The following ADAMTSL1 variants were observed in gnomAD, a reference collection of about 807,000 sequenced individuals.
ADAMTSL1 encodes ADAMTS like 1, also known as ADAMTS-like protein 1.
ADAMTSL1 carries 126 observed loss-of-function variants against 201.8 expected under a neutral mutation model. That is an observed-to-expected ratio of 0.62 (90% CI 0.54 to 0.72). The LOEUF (loss-of-function observed/expected upper bound fraction) is 0.72. Ranked by LOEUF, ADAMTSL1 falls within the 30% of genes least tolerant of loss-of-function variation. ADAMTSL1 has a pLI of 0.00. For missense variants in ADAMTSL1, 2,679 were observed against 2,277.8 expected (o/e 1.18, Z -3.59); for synonymous variants, 1,121 against 903.4 (o/e 1.24, Z -4.32).
intron 14 of ADAMTSL1, among the ~76,000 whole-genome samples, chr9:18,717,317 C>T (rs1050586542): frequency 3.3e-5 from 5 of 150,588 alleles, no homozygotes; most frequent in African/African-American, 1.2e-4. Flanking sequence ...GAAAAGTCTG[C>T]CCATTTCCTT....
At chr9:18,040,481 T>G (rs941169045) in intron 1 of ADAMTSL1, among the ~76,000 whole-genome samples, 1 of 152,202 alleles carries the variant, frequency 6.6e-6, no homozygotes, top group Non-Finnish European at 1.5e-5. Context: ...GCCACCAGCA[T>G]GCTGGGCCGG....
chr9:18,599,133 A>G (rs908785538), intron 4 of ADAMTSL1, among the ~76,000 whole-genome samples: 1 of 152,142 alleles, frequency 6.6e-6, no homozygotes, highest in African/African-American at 2.4e-5. Flanking sequence ...CATCCATGCA[A>G]TAGTCTTTTA....
chr9:18,771,583 CAAG>C (rs1820689185), intron 17 of ADAMTSL1, among the ~76,000 whole-genome samples: 1 of 151,840 alleles, frequency 6.6e-6, no homozygotes, highest in Non-Finnish European at 1.5e-5. Context: ...TGTTGCCTCA[CAAG>C]AAGATTTAGC....
chr9:18,022,855 G>A (rs1820535725), intron 1 of ADAMTSL1, among the ~76,000 whole-genome samples: 1 of 152,064 alleles, frequency 6.6e-6, no homozygotes, highest in Middle Eastern at 3.4e-3. Flanking sequence ...TTTTGGTTCC[G>A]GAATAACCAT....
chr9:18,287,550 A>G (rs974173226), intron 2 of ADAMTSL1, among the ~76,000 whole-genome samples: 7 of 151,120 alleles, frequency 4.6e-5, no homozygotes, highest in East Asian at 1.9e-4. Flanking sequence ...ACATATACAT[A>G]CATGTAGAAA....
At chr9:18,011,973 G>A (rs1586892906) in intron 1 of ADAMTSL1, among the ~76,000 whole-genome samples, 1 of 152,018 alleles carries the variant, frequency 6.6e-6, no homozygotes, top group Non-Finnish European at 1.5e-5. Flanking sequence ...TCCAGGAAAT[G>A]TTTCCCCAGT....
rs997817228 is a variant in ADAMTSL1, at chr9:18,325,991, T to A, written c.207+162010T>A. ...CCTGACCTCAGGTGATCCACCCACC[T>A]TGGGCCTCCCAAAGTGCTGGGATTA... On this transcript the variant is annotated intron_variant, in intron 2 of 29. Coordinates refer to the ADAMTSL1 transcript ENST00000680146. 2.6e-5 allele frequency among the ~76,000 whole-genome samples: 4 copies of A among 152,132 alleles called. No individual in the cohort carries two copies. The East Asian group carries it at 5.8e-4, about 22-fold the overall frequency.
At chr9:18,175,853 C>T (rs1828122767) in intron 2 of ADAMTSL1, among the ~76,000 whole-genome samples, 1 of 151,822 alleles carries the variant, frequency 6.6e-6, no homozygotes, top group South Asian at 2.1e-4. Flanking sequence ...ATGGAGAATC[C>T]TTGACTCAGG....
intron 13 of ADAMTSL1, among the ~76,000 whole-genome samples, chr9:18,706,410 T>G (rs1832235526): frequency 6.6e-6 from 1 of 152,186 alleles, no homozygotes; most frequent in African/African-American, 2.4e-5. Context: ...AACAAATTCC[T>G]ATCTCATTGG....
intron 26 of ADAMTSL1, among the ~76,000 whole-genome samples, chr9:18,893,509 C>A (rs745519099): frequency 1.3e-5 from 2 of 152,146 alleles, no homozygotes; most frequent in African/African-American, 4.8e-5. Context: ...ATGTGAATCA[C>A]CTGGGAATCT....
intron 19 of ADAMTSL1, among the ~76,000 whole-genome samples, chr9:18,784,205 C>T (rs1029007219): frequency 9.9e-5 from 15 of 152,274 alleles, no homozygotes; most frequent in Admixed American, 3.3e-4. Context: ...CAGATGACCC[C>T]CTCCATCATC....
At chr9:18,691,688 A>G (rs376559671) in intron 13 of ADAMTSL1, among the ~76,000 whole-genome samples, 1 of 152,202 alleles carries the variant, frequency 6.6e-6, no homozygotes, top group African/African-American at 2.4e-5. Context: ...AGCTCTGCAC[A>G]GTGACTAAAA....
At chr9:18,824,987 C>T (rs764886697) in intron 21 of ADAMTSL1, among the ~76,000 whole-genome samples, 24 of 152,114 alleles carry the variant, frequency 1.6e-4, no homozygotes, top group Admixed American at 3.3e-4. Flanking sequence ...TGAGCCATCA[C>T]GCCCGGCCAG....
chr9:18,656,679 A>T (rs1193035658), intron 7 of ADAMTSL1, among the ~76,000 whole-genome samples: 2 of 151,598 alleles, frequency 1.3e-5, no homozygotes, highest in Non-Finnish European at 2.9e-5. Flanking sequence ...CTTAACAAAT[A>T]CTTAGGGCAA....
intron 1 of ADAMTSL1, among the ~76,000 whole-genome samples, chr9:18,024,243 T>C (rs1820598935): frequency 6.6e-6 from 1 of 152,080 alleles, no homozygotes; most frequent in African/African-American, 2.4e-5. Flanking sequence ...AAAATAGTGT[T>C]TTATTTATTT....
intron 7 of ADAMTSL1, among the ~76,000 whole-genome samples, chr9:18,647,583 T>G (rs995911410): frequency 6.6e-6 from 1 of 152,168 alleles, no homozygotes; most frequent in Non-Finnish European, 1.5e-5. Flanking sequence ...TCTGGTATGT[T>G]GTGTCTTTGT....
intron 1 of ADAMTSL1, among the ~76,000 whole-genome samples, chr9:17,951,447 G>C (rs1827724314): frequency 6.6e-6 from 1 of 152,090 alleles, no homozygotes; most frequent in Admixed American, 6.6e-5. Flanking sequence ...CAGCTCTGCA[G>C]GGGAGTTTCT....
At chr9:18,139,512 A>T (rs1332431275) in intron 1 of ADAMTSL1, among the ~76,000 whole-genome samples, 1 of 152,082 alleles carries the variant, frequency 6.6e-6, no homozygotes, top group African/African-American at 2.4e-5. Context: ...TATTCTGATA[A>T]CCCCTGAGAA....
intron 15 of ADAMTSL1, among the ~76,000 whole-genome samples, chr9:18,740,478 C>CTTTTTT (rs11449360): frequency 2.8e-5 from 3 of 105,666 alleles, no homozygotes; most frequent in Admixed American, 1.1e-4. Context: ...TTTCTTTTAT[C>CTTTTTT]TTTTTTTTTT....
Sources: gnomAD v4.1 joint callset for allele counts (sites outside exome capture counted in the v4.1 genomes callset) on GRCh38, gnomAD v4.1.1 for gene constraint, MANE v1.5 for transcripts, NCBI Gene and HGNC (gene_info 2026-07-23, HGNC 2026-07-21) for gene names.